The following FBP2 variants were observed in gnomAD, a reference collection of about 807,000 sequenced individuals.
The protein encoded by FBP2 is fructose-1,6-bisphosphatase isozyme 2.
FBP2 carries 27 observed loss-of-function variants against 31.6 expected under a neutral mutation model. The observed-to-expected ratio is 0.85, with a 90% CI of 0.63 to 1.18. The LOEUF (loss-of-function observed/expected upper bound fraction) is 1.18, where lower values mean the gene tolerates loss of function less well. Ranked by LOEUF, FBP2 falls within the 50% of genes most tolerant of loss-of-function variation. The pLI is 0.00. For missense variants in FBP2, 421 were observed against 436.1 expected, an observed-to-expected ratio of 0.97 and a Z score of 0.31; for synonymous variants, 168 against 179.8, an observed-to-expected ratio of 0.93 and a Z score of 0.53.
chr9:94,590,465 T>TG (rs72546558), intron 1 of FBP2, among the ~76,000 whole-genome samples: 3 of 149,840 alleles, frequency 2.0e-5, no homozygotes, highest in East Asian at 2.0e-4. Context: ...TGGGTGGTGG[T>TG]GTGTCCGGAA....
In FBP2 at chr9:94,563,419, C is replaced by T; in HGVS notation, c.748G>A (p.Val250Met). Residue 250 changes from valine to methionine, a missense_variant, in exon 6 of 7, where the codon GTG (valine) becomes ATG (methionine). Transcript: ENST00000375337. ...ACCAGGGTGCGGTGCACGTCAGCCACCATGGAGCCCACATACCTGGCCCCA... is the reference window on the plus strand; with the variant it reads ...ACCAGGGTGCGGTGCACGTCAGCCATCATGGAGCCCACATACCTGGCCCCA... ...PYGARYVGSM[V>M]ADVHRTLVYG... is the part of the protein sequence containing the mutation. 6.2e-7 allele frequency: 1 copy of T among 1,614,084 alleles called. No individual in the cohort carries two copies. Among genetic ancestry groups the T allele is most frequent in the East Asian group, 2.2e-5 (1 of 44,876 alleles).
chr9:94,560,665 T>C (rs576508853), intron 6 of FBP2, among the ~76,000 whole-genome samples: 1 of 150,076 alleles, frequency 6.7e-6, no homozygotes, highest in Admixed American at 6.6e-5. Context: ...AAGAGTCATA[T>C]ATTATGGTAA....
At chr9:94,590,361 G>GA (rs1249744781) in intron 1 of FBP2, among the ~76,000 whole-genome samples, 1 of 152,310 alleles carries the variant, frequency 6.6e-6, no homozygotes, top group Non-Finnish European at 1.5e-5. Context: ...AAGAGAAGGG[G>GA]AAAAGGAGAC....
chr9:94,562,112 C>A (rs1223029917), intron 6 of FBP2, among the ~76,000 whole-genome samples: 1 of 151,960 alleles, frequency 6.6e-6, no homozygotes, highest in Non-Finnish European at 1.5e-5. Context: ...GAGATCGAGA[C>A]CATCCTGGCT....
intron 2 of FBP2, among the ~76,000 whole-genome samples, chr9:94,587,074 G>T (rs1435401059): frequency 6.6e-6 from 1 of 152,198 alleles, no homozygotes; most frequent in Non-Finnish European, 1.5e-5. Flanking sequence ...CACTGAGGCG[G>T]TTCCTGCATC....
intron 6 of FBP2, among the ~76,000 whole-genome samples, chr9:94,561,350 G>GGATT (rs1827096886): frequency 3.3e-5 from 2 of 59,796 alleles, no homozygotes; most frequent in Non-Finnish European, 7.6e-5. Flanking sequence ...CATGTGACCT[G>GGATT]TATTTTTTTT....
intron 1 of FBP2, among the ~76,000 whole-genome samples, chr9:94,588,967 C>T (rs1283579218): frequency 1.3e-5 from 2 of 152,218 alleles, no homozygotes; most frequent in Non-Finnish European, 2.9e-5. Flanking sequence ...GTGACGGCCA[C>T]CCCAGTCAAG....
At position 94,586,451 on chromosome 9, in the gene FBP2, C is replaced by T. The variant is rs537296454; in HGVS notation, c.333+856G>A. Among the ~76,000 whole-genome samples, 3 of 152,150 alleles carry T rather than the reference C, an allele frequency of 2.0e-5. No individual in the cohort carries two copies. The East Asian group carries it at 5.8e-4, about 29-fold the overall frequency. On this transcript the variant is annotated intron_variant, in intron 2 of 6. Coordinates refer to ENST00000375337, the MANE Select transcript of FBP2 (RefSeq NM_003837.4). ...CATGAAGACCTATGTGGCTATGTGG[C>T]TTAGGCCAATAGGAGAAGACAATGG...
chr9:94,565,732 TAGATGATA>T (rs1295174022), intron 5 of FBP2, among the ~76,000 whole-genome samples: 6 of 85,026 alleles, frequency 7.1e-5, no homozygotes, highest in Admixed American at 1.8e-4. Context: ...TATAGGTAGA[TAGATGATA>T]GATAGATAGA....
chr9:94,570,665 T>G (rs550134663), intron 4 of FBP2: 3 of 152,364 alleles, frequency 2.0e-5, no homozygotes, highest in African/African-American at 7.2e-5. Context: ...ATTAGCAAAC[T>G]GACACAGCAA....
intron 3 of FBP2, among the ~76,000 whole-genome samples, chr9:94,576,414 G>C (rs1827314928): frequency 6.6e-6 from 1 of 152,192 alleles, no homozygotes; most frequent in Admixed American, 6.5e-5. Flanking sequence ...TGAGCATGTG[G>C]ACCTGCATTC....
chr9:94,569,264 G>A (rs1827238552), intron 4 of FBP2: 1 of 152,312 alleles, frequency 6.6e-6, no homozygotes, highest in African/African-American at 2.4e-5. Flanking sequence ...GTGGTGTCCA[G>A]GCCAGACCGG....
intron 6 of FBP2, 90 bp downstream of exon 6, chr9:94,563,252 G>A: frequency 7.0e-7 from 1 of 1,419,114 alleles, no homozygotes; most frequent in Non-Finnish European, 9.6e-7. Flanking sequence ...ATGCCATGAA[G>A]CAGTGCAGTA....
intron 3 of FBP2, among the ~76,000 whole-genome samples, chr9:94,582,695 C>T (rs571838072): frequency 1.6e-4 from 25 of 151,532 alleles, no homozygotes; most frequent in Non-Finnish European, 3.2e-4. Flanking sequence ...CTACAGGCAC[C>T]CACCACCACG....
chr9:94,558,850 T>A lies in FBP2; in HGVS notation c.*88A>T. 7.9e-7 allele frequency: 1 copy of A among 1,261,866 alleles called. No individual in the cohort carries two copies. Among genetic ancestry groups the A allele is most frequent in the Non-Finnish European group, 1.1e-6 (1 of 872,952 alleles). 78.2% of individuals were successfully genotyped at this position (1,261,866 alleles called of 1,614,324 possible). On this transcript the variant is annotated 3_prime_UTR_variant, in exon 7 of 7. Coordinates refer to ENST00000375337, the MANE Select transcript of FBP2 (RefSeq NM_003837.4). Reference sequence around the variant, plus strand: ...TTAAGTGGATTTACCTTTTGTATACTCATAGCTACCATCTCTGTTTATCGT... The same window carrying A: ...TTAAGTGGATTTACCTTTTGTATACACATAGCTACCATCTCTGTTTATCGT...
intron 3 of FBP2, among the ~76,000 whole-genome samples, chr9:94,578,328 G>A (rs112161598): frequency 6.6e-6 from 1 of 151,988 alleles, no homozygotes; most frequent in African/African-American, 2.4e-5. Context: ...CCTAATGTTC[G>A]GACTTTTAAA....
At chr9:94,581,546 C>T (rs540480616) in intron 3 of FBP2, among the ~76,000 whole-genome samples, 1 of 152,276 alleles carries the variant, frequency 6.6e-6, no homozygotes, top group South Asian at 2.1e-4. Flanking sequence ...GACTCTAAGT[C>T]CCTGGGCCAT....
intron 3 of FBP2, among the ~76,000 whole-genome samples, chr9:94,582,850 CTTTTTTTTT>C (rs1174064928): frequency 9.3e-6 from 1 of 107,552 alleles, no homozygotes; most frequent in Non-Finnish European, 1.8e-5. Flanking sequence ...TCCCAGCCCC[CTTTTTTTTT>C]TTTTTTTTTT....
At chr9:94,561,531 TA>T (rs1490885900) in intron 6 of FBP2, among the ~76,000 whole-genome samples, 1 of 151,776 alleles carries the variant, frequency 6.6e-6, no homozygotes, top group Non-Finnish European at 1.5e-5. Flanking sequence ...CCTGGCTAAT[TA>T]TTTTTTGTAT....
Sources: gnomAD v4.1 joint callset for allele counts (sites outside exome capture counted in the v4.1 genomes callset) on GRCh38, gnomAD v4.1.1 for gene constraint, MANE v1.5 for transcripts, NCBI Gene and HGNC (gene_info 2026-07-23, HGNC 2026-07-21) for gene names.